FBLN7: variants seen among roughly 807,000 people sequenced by gnomAD.
FBLN7 encodes fibulin 7.
Under a neutral mutation model 44.0 loss-of-function variants are expected in FBLN7, and 31 were observed. The ratio of observed to expected loss-of-function variants is 0.70; its 90% CI spans 0.53 to 0.95. The LOEUF (loss-of-function observed/expected upper bound fraction) is 0.95, where lower values mean the gene tolerates loss of function less well. FBLN7 is among the 40% of genes least tolerant of loss of function. FBLN7 has a pLI of 0.00. For synonymous variants in FBLN7, 262 were observed against 253.4 expected (o/e 1.03, Z -0.32); for missense variants, 573 against 618.5 (o/e 0.93, Z 0.78).
chr2:112,235,479 A>C, the FBLN7 span, among the ~76,000 whole-genome samples: 1 of 152,194 alleles, frequency 6.6e-6, no homozygotes, highest in Non-Finnish European at 1.5e-5. Flanking sequence ...AATTACCTGA[A>C]CCACAGGGCT....
the FBLN7 span, among the ~76,000 whole-genome samples, chr2:112,216,683 C>CAAAAAAAAAAAA: frequency 8.3e-6 from 1 of 121,024 alleles, no homozygotes; most frequent in African/African-American, 3.0e-5. Context: ...AGAACTGAAG[C>CAAAAAAAAAAAA]AAAAAAAAAA....
the FBLN7 span, among the ~76,000 whole-genome samples, chr2:112,237,336 G>A: frequency 6.6e-6 from 1 of 152,122 alleles, no homozygotes. Flanking sequence ...GATCTAATTA[G>A]GAACTGCAAC....
chr2:112,163,511 C>T (rs1681982958), intron 2 of FBLN7, among the ~76,000 whole-genome samples: 1 of 152,246 alleles, frequency 6.6e-6, no homozygotes, highest in African/African-American at 2.4e-5. Context: ...CCCTCGTCGC[C>T]CATGCGTGAT....
chr2:112,181,673 C>A (rs969261446), intron 4 of FBLN7, 66 bp from the exon 5 acceptor site: 11 of 1,344,584 alleles, frequency 8.2e-6, no homozygotes, highest in Non-Finnish European at 9.5e-6. Flanking sequence ...CTCCCGGCCC[C>A]TACCCAAGGT....
intron 1 of FBLN7, among the ~76,000 whole-genome samples, chr2:112,140,133 C>T (rs557032420): frequency 1.5e-5 from 2 of 133,388 alleles, no homozygotes; most frequent in East Asian, 2.3e-4. Context: ...GTGTCCCTCC[C>T]GCCTCTCTCC....
At chr2:112,207,949 T>C in the FBLN7 span, among the ~76,000 whole-genome samples, 1 of 152,356 alleles carries the variant, frequency 6.6e-6, no homozygotes, top group East Asian at 1.9e-4. Context: ...TCTGACAATC[T>C]TTTTCTGTAA....
intron 3 of FBLN7, among the ~76,000 whole-genome samples, chr2:112,168,380 G>A (rs1340856802): frequency 1.3e-5 from 2 of 152,202 alleles, no homozygotes; most frequent in Admixed American, 1.3e-4. Flanking sequence ...TTCTTCTCTT[G>A]AAGCATAGAT....
the FBLN7 span, chr2:112,236,458 C>T: frequency 2.1e-6 from 3 of 1,457,390 alleles, 1 homozygote; most frequent in South Asian, 4.1e-5. Context: ...CTGTGGGATG[C>T]TTCCACCTCT....
chr2:112,179,827 A>G (rs971621020), intron 4 of FBLN7, among the ~76,000 whole-genome samples: 3 of 152,236 alleles, frequency 2.0e-5, no homozygotes, highest in Non-Finnish European at 4.4e-5. Context: ...TACACCACAG[A>G]CAAAAATCAA....
At chr2:112,194,938 C>T in the FBLN7 span, among the ~76,000 whole-genome samples, 2 of 152,154 alleles carry the variant, frequency 1.3e-5, no homozygotes, top group African/African-American at 2.4e-5. Flanking sequence ...AGTGAGAAAT[C>T]CAATGTGGGT....
chr2:112,167,815 C>T (rs1185310314), intron 3 of FBLN7, among the ~76,000 whole-genome samples: 1 of 148,622 alleles, frequency 6.7e-6, no homozygotes, highest in Non-Finnish European at 1.5e-5. Flanking sequence ...GACTGCCAGC[C>T]ACAGGCAAAA....
intron 1 of FBLN7, among the ~76,000 whole-genome samples, chr2:112,157,745 C>A (rs1312986245): frequency 1.3e-5 from 2 of 152,164 alleles, no homozygotes; most frequent in Non-Finnish European, 2.9e-5. Context: ...TGCCTACAGG[C>A]GAGCACCACC....
At chr2:112,182,557 C>T (rs1038410218) in intron 5 of FBLN7, among the ~76,000 whole-genome samples, 2 of 147,038 alleles carry the variant, frequency 1.4e-5, no homozygotes, top group African/African-American at 5.1e-5. Flanking sequence ...AGCACTTCAG[C>T]TCCCTCTCAC....
downstream of FBLN7, chr2:112,188,757 A>AGATGGTTTATTC (rs1330409964): frequency 6.6e-6 from 1 of 152,200 alleles, no homozygotes; most frequent in Non-Finnish European, 1.5e-5. Flanking sequence ...ATGGTTTCTA[A>AGATGGTTTATTC]GATGGTTTAT....
At chr2:112,180,922 C>CAAAAAAAAAAAAAAAAAAAAAAAGAAAA (rs60214148) in intron 4 of FBLN7, among the ~76,000 whole-genome samples, 1 of 74,310 alleles carries the variant, frequency 1.3e-5, no homozygotes, top group African/African-American at 5.4e-5. Flanking sequence ...GACTCTGTCT[C>CAAAAAAAAAAAAAAAAAAAAAAAGAAAA]AAAAAAAAAA....
intron 2 of FBLN7, 80 bp downstream of exon 2, chr2:112,159,915 C>G: frequency 8.0e-7 from 1 of 1,253,510 alleles, no homozygotes; most frequent in Non-Finnish European, 1.0e-6. Flanking sequence ...GCTGGAGGCC[C>G]CTCGTCACCC....
chr2:112,210,280 A>T, the FBLN7 span, among the ~76,000 whole-genome samples: 2 of 151,968 alleles, frequency 1.3e-5, no homozygotes, highest in Non-Finnish European at 2.9e-5. Flanking sequence ...GGCGATGGAG[A>T]TCGTAATCAA....
At chr2:112,185,079 A>G in intron 6 of FBLN7, 122 bp from the exon 7 acceptor site, 1 of 1,335,346 alleles carries the variant, frequency 7.5e-7, no homozygotes, top group Non-Finnish European at 1.0e-6. Context: ...TTCTGCTTTA[A>G]GAATAAGTGC....
chr2:112,192,727 T>A (rs1448145891), downstream of FBLN7, among the ~76,000 whole-genome samples: 1 of 152,214 alleles, frequency 6.6e-6, no homozygotes, highest in African/African-American at 2.4e-5. Context: ...CACCAACCAC[T>A]GCCTCAGCTT....
Sources: gnomAD v4.1 joint callset for allele counts (sites outside exome capture counted in the v4.1 genomes callset) on GRCh38, gnomAD v4.1.1 for gene constraint, MANE v1.5 for transcripts, NCBI Gene and HGNC (gene_info 2026-07-23, HGNC 2026-07-21) for gene names.